CNTN5: variants seen among roughly 807,000 people sequenced by gnomAD.
CNTN5 encodes the protein contactin 5, also known as contactin-5.
Under a neutral mutation model 129.1 loss-of-function variants are expected in CNTN5, and 77 were observed. The ratio of observed to expected loss-of-function variants is 0.60; its 90% confidence interval spans 0.50 to 0.72. The LOEUF (loss-of-function observed/expected upper bound fraction) is 0.72. CNTN5 is among the 30% of genes least tolerant of loss of function. The pLI is 0.00. For synonymous variants in CNTN5, 509 were observed against 465.6 expected (o/e 1.09, Z -1.20); for missense variants, 1,478 against 1,328.8 (o/e 1.11, Z -1.75).
At chr11:99,111,817 A>G (rs180972119) in intron 1 of CNTN5, among the ~76,000 whole-genome samples, 52 of 152,184 alleles carry the variant, frequency 3.4e-4, no homozygotes, top group African/African-American at 1.2e-3. Context: ...TGTGAATTCT[A>G]TATTTGTCCT....
chr11:99,907,747 T>G (rs192227604), intron 6 of CNTN5, among the ~76,000 whole-genome samples: 19 of 152,000 alleles, frequency 1.3e-4, no homozygotes, highest in Non-Finnish European at 2.2e-4. Context: ...AGCAACTTTT[T>G]TCTATGTTAG....
chr11:100,264,003 G>A (rs11827978), intron 17 of CNTN5, among the ~76,000 whole-genome samples: 3,632 of 152,030 alleles, frequency 0.024, 139 homozygotes, highest in African/African-American at 0.082. Flanking sequence ...TTACACTTAT[G>A]TTCTGATTCT....
intron 13 of CNTN5, among the ~76,000 whole-genome samples, chr11:100,135,743 T>C (rs1170988284): frequency 3.9e-5 from 6 of 152,182 alleles, no homozygotes; most frequent in Non-Finnish European, 5.9e-5. Flanking sequence ...ACTGTGCTGT[T>C]TTCTGACTAG....
chr11:99,930,072 A>T (rs1167315655), intron 7 of CNTN5, among the ~76,000 whole-genome samples: 2 of 151,906 alleles, frequency 1.3e-5, no homozygotes, highest in Non-Finnish European at 2.9e-5. Context: ...GTTGGGCAGG[A>T]TGTTGGCTAA....
intron 1 of CNTN5, among the ~76,000 whole-genome samples, chr11:99,063,074 T>C (rs917813809): frequency 1.3e-5 from 2 of 152,146 alleles, no homozygotes; most frequent in African/African-American, 4.8e-5. Context: ...AAAGGTATTA[T>C]TGAATTGCTA....
intron 18 of CNTN5, among the ~76,000 whole-genome samples, chr11:100,281,303 T>C (rs1221256495): frequency 6.6e-6 from 1 of 152,186 alleles, no homozygotes; most frequent in Non-Finnish European, 1.5e-5. Flanking sequence ...CTCAGCTTTC[T>C]TTGTCTGGGA....
intron 8 of CNTN5, among the ~76,000 whole-genome samples, chr11:99,986,812 A>G (rs771194423): frequency 3.3e-5 from 5 of 152,178 alleles, no homozygotes; most frequent in South Asian, 2.1e-4. Flanking sequence ...GGATCTTCAC[A>G]TTGCCAAAGC....
At chr11:99,313,028 C>T (rs1393112968) in intron 1 of CNTN5, among the ~76,000 whole-genome samples, 2 of 151,804 alleles carry the variant, frequency 1.3e-5, no homozygotes, top group African/African-American at 4.8e-5. Context: ...CCTGGAATTA[C>T]ACTACACTCA....
In CNTN5 at chr11:100,255,788, T is replaced by C. The variant is rs1404365376; in HGVS notation, c.2034T>C (p.Ile678=). ...RGPPGPPGIV[I]VEEITESTAT... ...CCCCAGGCCCACCTGGGATAGTAATTGTTGAGGAAATAACCGAAAGTACGG... is the reference window on the plus strand; with the variant it reads ...CCCCAGGCCCACCTGGGATAGTAATCGTTGAGGAAATAACCGAAAGTACGG... Residue 678 remains isoleucine (I), a synonymous_variant, in exon 17 of 25, where the codon ATT becomes ATC. Coordinates refer to ENST00000524871, the MANE Select transcript of CNTN5 (RefSeq NM_014361.4). The C allele has an allele frequency of 6.2e-7, 1 of 1,613,876 alleles. No homozygotes were observed. The highest frequency in any genetic ancestry group is 2.2e-5 in the East Asian group (1 of 44,862).
At chr11:99,798,206 G>A (rs560826597) in intron 3 of CNTN5, among the ~76,000 whole-genome samples, 7 of 151,884 alleles carry the variant, frequency 4.6e-5, no homozygotes, top group Admixed American at 2.0e-4. Flanking sequence ...TAGAAGATGC[G>A]GCATTTGGTT....
intron 13 of CNTN5, among the ~76,000 whole-genome samples, chr11:100,121,113 A>G (rs998457770): frequency 2.0e-5 from 3 of 151,958 alleles, no homozygotes; most frequent in Non-Finnish European, 4.4e-5. Context: ...AACTCACTCA[A>G]TGGGGTGCAG....
intron 1 of CNTN5, among the ~76,000 whole-genome samples, chr11:99,188,727 C>A (rs192557345): frequency 8.6e-5 from 13 of 151,476 alleles, no homozygotes; most frequent in Admixed American, 4.0e-4. Context: ...TTACTAATTT[C>A]TTTATGTTTA....
chr11:99,773,866 C>T (rs1430703802), intron 3 of CNTN5, among the ~76,000 whole-genome samples: 2 of 152,080 alleles, frequency 1.3e-5, no homozygotes, highest in Non-Finnish European at 2.9e-5. Flanking sequence ...GGACCTTACA[C>T]CACTGCTCTT....
At chr11:99,123,375 C>T (rs1858454412) in intron 1 of CNTN5, among the ~76,000 whole-genome samples, 1 of 152,002 alleles carries the variant, frequency 6.6e-6, no homozygotes, top group South Asian at 2.1e-4. Context: ...ATGTCATTTG[C>T]CCACTTATTA....
Position 99,888,372 on chromosome 11 carries a change from T to G in CNTN5, c.578-27682T>G, listed in dbSNP as rs368485966. On this transcript the variant is annotated intron_variant, in intron 6 of 24. Transcript: ENST00000524871. ...GAAATGTTTTCATTTTTCTTTGCAA[T>G]TAATACTACTTGACAAAGTTGAAAT... Among the ~76,000 whole-genome samples the G allele has an allele frequency of 5.9e-5, 9 of 152,324 alleles. No individual in the cohort carries two copies. The East Asian group carries it at 9.6e-4, about 16-fold the overall frequency.
intron 2 of CNTN5, among the ~76,000 whole-genome samples, chr11:99,352,703 G>A (rs971155242): frequency 1.3e-5 from 2 of 152,150 alleles, no homozygotes; most frequent in African/African-American, 2.4e-5. Flanking sequence ...TCCCAGCCAA[G>A]AGGTATCATC....
intron 2 of CNTN5, among the ~76,000 whole-genome samples, chr11:99,513,703 T>C (rs1946931123): frequency 6.6e-6 from 1 of 150,552 alleles, no homozygotes; most frequent in African/African-American, 2.5e-5. Flanking sequence ...CCAAATATTT[T>C]AAACCCACTA....
chr11:99,117,831 G>C (rs1858114930), intron 1 of CNTN5, among the ~76,000 whole-genome samples: 1 of 152,122 alleles, frequency 6.6e-6, no homozygotes, highest in African/African-American at 2.4e-5. Context: ...GTGAGGAAGA[G>C]CACCCTCTTC....
intron 3 of CNTN5, among the ~76,000 whole-genome samples, chr11:99,789,659 G>T (rs771578287): frequency 6.6e-6 from 1 of 151,834 alleles, no homozygotes; most frequent in Non-Finnish European, 1.5e-5. Flanking sequence ...TTCTTTCACT[G>T]TTTGAAATAC....
Sources: allele counts gnomAD v4.1 joint callset (sites outside exome capture counted in the v4.1 genomes callset), GRCh38; gene constraint gnomAD v4.1.1; transcripts MANE v1.5; gene names NCBI Gene and HGNC (gene_info 2026-07-23, HGNC 2026-07-21).